Variants in MYRIP observed in about 807,000 individuals in gnomAD.
The protein encoded by MYRIP is rab effector MyRIP.
MYRIP carries 49 observed loss-of-function variants against 98.0 expected under a neutral mutation model. The ratio of observed to expected loss-of-function variants is 0.50; its 90% CI spans 0.40 to 0.63. The LOEUF (loss-of-function observed/expected upper bound fraction) is 0.63, where lower values mean the gene tolerates loss of function less well. MYRIP is among the 30% of genes least tolerant of loss of function. The pLI, the probability that MYRIP is intolerant of heterozygous loss-of-function variation, is 0.00. For missense variants in MYRIP, 1,004 were observed against 1,058.2 expected (o/e 0.95, Z 0.71); for synonymous variants, 404 against 409.5 (o/e 0.99, Z 0.16).
At chr3:40,066,871 C>T (rs13072897) in intron 3 of MYRIP, among the ~76,000 whole-genome samples, 58,913 of 152,064 alleles carry the variant, frequency 0.39, 12,196 homozygotes, top group Non-Finnish European at 0.47. Context: ...TATACTACAA[C>T]ATGAATGAAA....
intron 10 of MYRIP, among the ~76,000 whole-genome samples, chr3:40,202,286 C>G (rs984367330): frequency 7.9e-5 from 12 of 152,126 alleles, no homozygotes; most frequent in African/African-American, 2.9e-4. Flanking sequence ...CTAGCCTGCC[C>G]TTTGCCTCCT....
chr3:40,139,081 T>G (rs567390034), intron 3 of MYRIP, among the ~76,000 whole-genome samples: 1 of 152,352 alleles, frequency 6.6e-6, no homozygotes, highest in East Asian at 1.9e-4. Context: ...TGTTTAACTT[T>G]CTCTTCCTAG....
intron 11 of MYRIP, among the ~76,000 whole-genome samples, chr3:40,229,889 C>T (rs1952600895): frequency 6.6e-6 from 1 of 152,116 alleles, no homozygotes. Flanking sequence ...GTTAACAGCT[C>T]AAAGTTCAAC....
chr3:40,027,573 G>T (rs751337825), intron 2 of MYRIP, among the ~76,000 whole-genome samples: 1 of 152,090 alleles, frequency 6.6e-6, no homozygotes, highest in Non-Finnish European at 1.5e-5. Context: ...CCAATCTAAA[G>T]TAGGTCCTGA....
intron 2 of MYRIP, among the ~76,000 whole-genome samples, chr3:39,977,115 G>T (rs1344714544): frequency 2.7e-5 from 4 of 150,886 alleles, no homozygotes; most frequent in South Asian, 2.1e-4. Context: ...ATTATAAAAG[G>T]TTTATTTTAA....
At chr3:40,074,874 C>T (rs1023611304) in intron 3 of MYRIP, among the ~76,000 whole-genome samples, 2 of 152,118 alleles carry the variant, frequency 1.3e-5, no homozygotes, top group Admixed American at 6.5e-5. Flanking sequence ...TATTTCACAT[C>T]ATATGTTATC....
chr3:40,146,635 G>C (rs568903072), intron 3 of MYRIP, among the ~76,000 whole-genome samples: 1 of 152,096 alleles, frequency 6.6e-6, no homozygotes, highest in Non-Finnish European at 1.5e-5. Flanking sequence ...TGGCCCTGGA[G>C]CCCCTTCAGC....
chr3:40,044,334 C>A (rs1021503300), intron 3 of MYRIP, 63 bp downstream of exon 3: 8 of 1,491,692 alleles, frequency 5.4e-6, no homozygotes, highest in Non-Finnish European at 6.5e-6. Flanking sequence ...CCTGCCACTT[C>A]CTTCAGTCAG....
At chr3:40,157,543 T>C (rs1180475806) in intron 4 of MYRIP, among the ~76,000 whole-genome samples, 75 of 147,368 alleles carry the variant, frequency 5.1e-4, no homozygotes, top group Non-Finnish European at 2.4e-4. Flanking sequence ...TCTTTTTCTA[T>C]TGATTGGAAT....
chr3:39,852,620 G>A (rs1241685860), intron 1 of MYRIP, among the ~76,000 whole-genome samples: 1 of 151,812 alleles, frequency 6.6e-6, no homozygotes, highest in Non-Finnish European at 1.5e-5. Context: ...TCTCACAAGT[G>A]AGAACATATG....
chr3:40,149,675 C>T (rs1303034108), intron 3 of MYRIP, among the ~76,000 whole-genome samples: 7 of 152,166 alleles, frequency 4.6e-5, no homozygotes, highest in Non-Finnish European at 1.0e-4. Flanking sequence ...CTGTCATAAT[C>T]CAAACCTGCT....
intron 7 of MYRIP, among the ~76,000 whole-genome samples, chr3:40,169,435 G>A (rs893595225): frequency 1.3e-5 from 2 of 152,180 alleles, no homozygotes; most frequent in Non-Finnish European, 2.9e-5. Flanking sequence ...CTGTGCAAAC[G>A]AGCTGGATTT....
At chr3:39,859,311 G>T (rs1015266059) in intron 1 of MYRIP, among the ~76,000 whole-genome samples, 1 of 152,020 alleles carries the variant, frequency 6.6e-6, no homozygotes, top group African/African-American at 2.4e-5. Flanking sequence ...CATACAACCG[G>T]CCATGACTGA....
intron 2 of MYRIP, among the ~76,000 whole-genome samples, chr3:39,949,871 A>G (rs1944971583): frequency 6.6e-6 from 1 of 152,104 alleles, no homozygotes. Context: ...CCAGTTTCTT[A>G]TTTTAACTGG....
intron 8 of MYRIP, among the ~76,000 whole-genome samples, chr3:40,180,191 C>T (rs1024273822): frequency 5.9e-5 from 9 of 152,288 alleles, no homozygotes; most frequent in African/African-American, 2.2e-4. Flanking sequence ...CCAAGTAAAA[C>T]CTTGCTCTCC....
At chr3:39,917,428 C>A (rs1318533039) in intron 2 of MYRIP, among the ~76,000 whole-genome samples, 1 of 135,682 alleles carries the variant, frequency 7.4e-6, no homozygotes, top group African/African-American at 2.8e-5. Flanking sequence ...ATCTAGGATG[C>A]TTTCTTTGAA....
At chr3:39,969,392 CAT>C (rs1945520989) in intron 2 of MYRIP, among the ~76,000 whole-genome samples, 1 of 152,136 alleles carries the variant, frequency 6.6e-6, no homozygotes, top group Non-Finnish European at 1.5e-5. Context: ...GCATCCTTGT[CAT>C]GTGCTAGTTT....
chr3:39,883,687 A>T (rs945247279), intron 1 of MYRIP, among the ~76,000 whole-genome samples: 4 of 152,038 alleles, frequency 2.6e-5, no homozygotes, highest in Admixed American at 6.6e-5. Flanking sequence ...TGCAAAAAAA[A>T]CTTAAATATG....
intron 3 of MYRIP, among the ~76,000 whole-genome samples, chr3:40,058,338 T>C (rs568041511): frequency 4.5e-4 from 69 of 152,282 alleles, no homozygotes; most frequent in African/African-American, 1.6e-3. Context: ...ACTTTAAGTT[T>C]TGAAGTCCCT....
Sources: allele counts gnomAD v4.1 joint callset (sites outside exome capture counted in the v4.1 genomes callset), GRCh38; gene constraint gnomAD v4.1.1; transcripts MANE v1.5; gene names NCBI Gene and HGNC (gene_info 2026-07-23, HGNC 2026-07-21).